RERE: variants seen among roughly 807,000 people sequenced by gnomAD.
RERE encodes the protein arginine-glutamic acid dipeptide repeats protein.
In RERE, 40 loss-of-function variants were observed where a neutral mutation model predicts 146.1. The observed-to-expected ratio is 0.27, with a 90% CI of 0.21 to 0.36. The LOEUF (loss-of-function observed/expected upper bound fraction) is 0.36, where lower values mean the gene tolerates loss of function less well. Among genes scored for constraint, RERE ranks in the 10% least tolerant of loss-of-function variants. The pLI is 1.00. For missense variants in RERE, 1,933 were observed against 2,138.7 expected (o/e 0.90, Z 1.90); for synonymous variants, 1,003 against 866.0 (o/e 1.16, Z -2.78).
intron 1 of RERE, among the ~76,000 whole-genome samples, chr1:8,804,651 A>G (rs1401425082): frequency 6.6e-6 from 1 of 152,216 alleles, no homozygotes; most frequent in South Asian, 2.1e-4. Flanking sequence ...ATTTCTGGAA[A>G]GTATCTTCAC....
chr1:8,701,192 A>G, intron 1 of RERE, among the ~76,000 whole-genome samples: 1 of 151,920 alleles, frequency 6.6e-6, no homozygotes, highest in East Asian at 1.9e-4. Flanking sequence ...TGATACGTTG[A>G]TGGGGTTTAC....
chr1:8,435,900 A>G (rs1387224568), intron 11 of RERE, among the ~76,000 whole-genome samples: 5 of 152,262 alleles, frequency 3.3e-5, no homozygotes. Context: ...ATCAGAAAGC[A>G]TGCATCAATG....
chr1:8,660,083 C>T (rs1214410215), intron 1 of RERE, among the ~76,000 whole-genome samples: 2 of 151,288 alleles, frequency 1.3e-5, no homozygotes, highest in African/African-American at 2.4e-5. Flanking sequence ...TAATTAATAC[C>T]ATATCATTTA....
chr1:8,771,565 AT>A (rs1486127948), intron 1 of RERE, among the ~76,000 whole-genome samples: 47 of 150,210 alleles, frequency 3.1e-4, no homozygotes, highest in African/African-American at 1.1e-3. Context: ...TTTGCTAAAT[AT>A]TTTTTTGCAT....
chr1:8,449,618 A>G (rs1400535918), intron 11 of RERE, among the ~76,000 whole-genome samples: 1 of 152,248 alleles, frequency 6.6e-6, no homozygotes, highest in Non-Finnish European at 1.5e-5. Flanking sequence ...GCTCTGTCAA[A>G]GACCACTACG....
chr1:8,487,338 T>G (rs1041162583), intron 10 of RERE, among the ~76,000 whole-genome samples: 4 of 151,886 alleles, frequency 2.6e-5, no homozygotes, highest in African/African-American at 9.7e-5. Context: ...ATCTCAGCAT[T>G]TGGGGAAGCT....
At chr1:8,520,115 A>C (rs1433184327) in intron 7 of RERE, among the ~76,000 whole-genome samples, 1 of 152,254 alleles carries the variant, frequency 6.6e-6, no homozygotes, top group Non-Finnish European at 1.5e-5. Flanking sequence ...AGTCAACTTA[A>C]AGTTACCACT....
At chr1:8,373,492 T>TA (rs1025828715) in intron 12 of RERE, among the ~76,000 whole-genome samples, 3 of 151,908 alleles carry the variant, frequency 2.0e-5, no homozygotes, top group African/African-American at 7.3e-5. Flanking sequence ...CAACAAATAA[T>TA]AAAAAACAAG....
Position 8,812,262 on chromosome 1 carries a change from G to A in RERE, c.-145+4898C>T, listed in dbSNP as rs564949687. 2.0e-5 allele frequency among the ~76,000 whole-genome samples: 3 copies of A among 152,304 alleles called. No homozygotes were observed. In the South Asian group the frequency reaches 6.2e-4, roughly 32 times the overall value. Reference sequence around the variant, plus strand: ...CAAATACCGAGTGGTTTATGAATTAGAGGCCACATCATTTTATAACTAACC... The same window carrying A: ...CAAATACCGAGTGGTTTATGAATTAAAGGCCACATCATTTTATAACTAACC... On this transcript the variant is annotated intron_variant, in intron 1 of 22. Coordinates refer to ENST00000400908, the MANE Select transcript of RERE (RefSeq NM_001042681.2).
intron 10 of RERE, among the ~76,000 whole-genome samples, chr1:8,481,496 T>A (rs538957678): frequency 2.0e-5 from 3 of 152,214 alleles, no homozygotes; most frequent in Non-Finnish European, 4.4e-5. Context: ...TATATAAATA[T>A]TGTGTATATA....
At chr1:8,650,636 C>CGTGA in intron 2 of RERE, among the ~76,000 whole-genome samples, 1 of 152,148 alleles carries the variant, frequency 6.6e-6, no homozygotes, top group Admixed American at 6.5e-5. Flanking sequence ...CAGTGGCTCA[C>CGTGA]GCCTGTAATC....
intron 4 of RERE, among the ~76,000 whole-genome samples, chr1:8,592,808 G>A (rs1055364909): frequency 1.3e-5 from 2 of 152,122 alleles, no homozygotes; most frequent in Non-Finnish European, 2.9e-5. Flanking sequence ...GATAATCCAT[G>A]TTTGTTTAAG....
At chr1:8,684,811 C>T (rs1316936330) in intron 1 of RERE, among the ~76,000 whole-genome samples, 1 of 150,688 alleles carries the variant, frequency 6.6e-6, no homozygotes, top group East Asian at 2.0e-4. Context: ...TAAATACCAG[C>T]AATGGGTGGG....
At chr1:8,612,856 T>C (rs1557434966) in intron 4 of RERE, among the ~76,000 whole-genome samples, 1 of 152,206 alleles carries the variant, frequency 6.6e-6, no homozygotes, top group African/African-American at 2.4e-5. Flanking sequence ...GATGTCAGTC[T>C]TTCTCTGGGA....
chr1:8,727,151 C>T (rs182363842), intron 1 of RERE, among the ~76,000 whole-genome samples: 105 of 148,186 alleles, frequency 7.1e-4, no homozygotes, highest in Admixed American at 2.8e-3. Context: ...TTGGAGGGCG[C>T]GGGGTGGGGG....
Position 8,361,805 on chromosome 1 carries a change from C to A in RERE, c.1974G>T (p.Thr658=). The A allele has an allele frequency of 2.5e-6, 4 of 1,614,064 alleles. No homozygotes were observed. Among genetic ancestry groups the A allele is most frequent in the Non-Finnish European group, 3.4e-6 (4 of 1,179,912 alleles). Reference sequence around the variant, plus strand: ...TGGAGCTGGTCCTGTCAGCCTCCTCCGTATCAGAGGCCACCTTCTCCCGCT... The same window carrying A: ...TGGAGCTGGTCCTGTCAGCCTCCTCAGTATCAGAGGCCACCTTCTCCCGCT... ...KRQREKVASD[T]EEADRTSSKK... Residue 658 remains threonine (T), a synonymous_variant, in exon 17 of 23, where the codon ACG becomes ACT. Transcript: ENST00000400908.
chr1:8,480,373 C>T (rs1459753959), intron 10 of RERE, among the ~76,000 whole-genome samples: 6 of 149,796 alleles, frequency 4.0e-5, no homozygotes, highest in African/African-American at 9.8e-5. Flanking sequence ...CTCTTGATGT[C>T]GTGATCCGCC....
chr1:8,557,516 C>T lies in RERE; in HGVS notation c.530G>A (p.Arg177Lys), dbSNP rs992821035. 1.3e-5 allele frequency: 21 copies of T among 1,607,984 alleles called. No individual in the cohort carries two copies. The highest frequency in any genetic ancestry group is 1.8e-5 in the Non-Finnish European group (21 of 1,174,558). Residue 177 changes from arginine to lysine, a missense_variant, in exon 5 of 23, where the codon AGG becomes AAG. Physicochemically the swap from Arg to Lys is conservative, Grantham distance 26. Transcript: ENST00000400908. The part of the protein sequence containing the change: ...EAGRGPVGSK[R>K]DHLLMNVKWY... Reference sequence around the variant, plus strand: ...TTTGACGTTCATGAGGAGATGGTCCCTCTTACTCTGAAAAGGAAAATCTAA... The same window carrying T: ...TTTGACGTTCATGAGGAGATGGTCCTTCTTACTCTGAAAAGGAAAATCTAA...
At chr1:8,788,342 AC>A (rs1218590828) in intron 1 of RERE, among the ~76,000 whole-genome samples, 1 of 151,932 alleles carries the variant, frequency 6.6e-6, no homozygotes, top group Admixed American at 6.6e-5. Context: ...ACATAGAAGC[AC>A]AAAGGTGTTT....
Sources: allele counts gnomAD v4.1 joint callset (sites outside exome capture counted in the v4.1 genomes callset), GRCh38; gene constraint gnomAD v4.1.1; transcripts MANE v1.5; gene names NCBI Gene and HGNC (gene_info 2026-07-23, HGNC 2026-07-21).